The following SOX6 variants were observed in gnomAD, a reference collection of about 807,000 sequenced individuals.
SOX6 encodes the protein transcription factor SOX-6.
In SOX6, 11 loss-of-function variants were observed where a neutral mutation model predicts 97.8. That is an observed-to-expected ratio of 0.11 (90% CI 0.07 to 0.19). SOX6 has a LOEUF of 0.19. Among genes scored for constraint, SOX6 ranks in the 10% least tolerant of loss-of-function variants. The pLI is 1.00. For synonymous variants in SOX6, 360 were observed against 371.4 expected (o/e 0.97, Z 0.35); for missense variants, 810 against 1,039.5 (o/e 0.78, Z 3.04).
chr11:16,585,680 A>ATT (rs1491374591), intron 4 of SOX6, among the ~76,000 whole-genome samples: 4 of 91,034 alleles, frequency 4.4e-5, no homozygotes, highest in Admixed American at 1.1e-4. Context: ...TTTTTTTTTT[A>ATT]CTTTTTTTTT....
chr11:16,236,237 G>A (rs1330165172), intron 3 of SOX6, among the ~76,000 whole-genome samples: 1 of 151,906 alleles, frequency 6.6e-6, no homozygotes, highest in East Asian at 1.9e-4. Context: ...ATATGTTCGG[G>A]TTGCATTTAA....
rs148880664 is a variant in SOX6 at position 16,380,519 on chromosome 11, C to A, written c.-4-39267G>T. On this transcript the variant is annotated intron_variant, in intron 1 of 15. Coordinates refer to the SOX6 transcript ENST00000396356. Reference sequence around the variant, plus strand: ...CTTTTATCTAAATCCATTCTACCAACCAATTGTTTAACAAGTCCATAATTA... The same window carrying A: ...CTTTTATCTAAATCCATTCTACCAAACAATTGTTTAACAAGTCCATAATTA... 3.7e-3 allele frequency among the ~76,000 whole-genome samples: 562 copies of A among 152,014 alleles called. 4 individuals carry two copies. The highest frequency in any genetic ancestry group is 0.012 in the African/African-American group (488 of 41,486).
intron 3 of SOX6, among the ~76,000 whole-genome samples, chr11:16,272,983 T>A (rs977463912): frequency 1.3e-5 from 2 of 151,962 alleles, no homozygotes; most frequent in African/African-American, 4.8e-5. Flanking sequence ...GTCAAAATGT[T>A]ACCTGAAAAT....
chr11:16,269,312 C>T (rs1854175637), intron 3 of SOX6, among the ~76,000 whole-genome samples: 1 of 150,696 alleles, frequency 6.6e-6, no homozygotes, highest in Non-Finnish European at 1.5e-5. Context: ...TAATTACAGA[C>T]TTTATAGTTT....
intron 1 of SOX6, among the ~76,000 whole-genome samples, chr11:16,737,336 A>G (rs2134063699): frequency 6.6e-6 from 1 of 152,168 alleles, no homozygotes; most frequent in South Asian, 2.1e-4. Context: ...CCTCCCGAGT[A>G]GCTGGGATTA....
intron 3 of SOX6, among the ~76,000 whole-genome samples, chr11:16,256,903 C>T (rs1418425730): frequency 6.6e-6 from 1 of 151,636 alleles, no homozygotes; most frequent in Non-Finnish European, 1.5e-5. Context: ...CAACCACTTT[C>T]CTATTTATTA....
intron 12 of SOX6, among the ~76,000 whole-genome samples, chr11:16,037,865 C>T (rs1470530526): frequency 1.3e-5 from 2 of 152,182 alleles, no homozygotes; most frequent in African/African-American, 2.4e-5. Context: ...AAGGATAAAA[C>T]TTAAGCTAGC....
chr11:16,293,296 G>A (rs564948140), intron 3 of SOX6, among the ~76,000 whole-genome samples: 2 of 152,166 alleles, frequency 1.3e-5, no homozygotes, highest in East Asian at 1.9e-4. Context: ...GAGAGACACC[G>A]GAATTTAACT....
At chr11:16,285,973 G>T (rs186874457) in intron 3 of SOX6, among the ~76,000 whole-genome samples, 564 of 152,164 alleles carry the variant, frequency 3.7e-3, no homozygotes, top group South Asian at 0.016. Flanking sequence ...AAAATAAAAT[G>T]AATACGTTTC....
At chr11:16,671,137 T>C (rs1335754805) in intron 3 of SOX6, among the ~76,000 whole-genome samples, 2 of 152,160 alleles carry the variant, frequency 1.3e-5, no homozygotes, top group Non-Finnish European at 2.9e-5. Context: ...AGAAAAGAAG[T>C]GTATTGACTA....
intron 6 of SOX6, among the ~76,000 whole-genome samples, chr11:16,154,664 A>G (rs1850551237): frequency 6.6e-6 from 1 of 152,190 alleles, no homozygotes; most frequent in Non-Finnish European, 1.5e-5. Flanking sequence ...CTTACAAAAA[A>G]AAATGCAACT....
intron 4 of SOX6, among the ~76,000 whole-genome samples, chr11:16,522,918 CAAG>C (rs1183776891): frequency 6.6e-6 from 1 of 152,294 alleles, no homozygotes; most frequent in African/African-American, 2.4e-5. Context: ...ATCAATTCAA[CAAG>C]AAGAGCTAAC....
chr11:16,034,391 T>A (rs1184964213), intron 12 of SOX6, among the ~76,000 whole-genome samples: 1 of 152,168 alleles, frequency 6.6e-6, no homozygotes, highest in Non-Finnish European at 1.5e-5. Flanking sequence ...AGCATTTCCA[T>A]CCATAGTGGG....
chr11:16,134,020 G>C (rs1389730991), intron 6 of SOX6, among the ~76,000 whole-genome samples: 1 of 152,156 alleles, frequency 6.6e-6, no homozygotes, highest in Non-Finnish European at 1.5e-5. Context: ...TAATTACATT[G>C]GTGATGATAA....
intron 4 of SOX6, among the ~76,000 whole-genome samples, chr11:16,188,209 T>C (rs1453855048): frequency 3.5e-5 from 5 of 144,176 alleles, no homozygotes; most frequent in African/African-American, 1.1e-4. Context: ...ATCGTGGGAT[T>C]CTTAATGTCA....
intron 4 of SOX6, among the ~76,000 whole-genome samples, chr11:16,561,883 C>A (rs1298900329): frequency 7.2e-6 from 1 of 139,490 alleles, no homozygotes; most frequent in East Asian, 2.7e-4. Context: ...TACACATCAC[C>A]ACACCTGGCT....
At chr11:16,079,830 A>C (rs1848434387) in intron 9 of SOX6, among the ~76,000 whole-genome samples, 1 of 152,274 alleles carries the variant, frequency 6.6e-6, no homozygotes, top group East Asian at 1.9e-4. Context: ...GCACGTAAAT[A>C]TGCCATCTGT....
At chr11:16,569,867 T>TAAAAAAAAAA (rs1847918235) in intron 4 of SOX6, among the ~76,000 whole-genome samples, 1 of 43,186 alleles carries the variant, frequency 2.3e-5, no homozygotes, top group Non-Finnish European at 4.0e-5. Context: ...AGACTCCGTC[T>TAAAAAAAAAA]CAAAAAAAAA....
intron 12 of SOX6, among the ~76,000 whole-genome samples, chr11:16,020,086 C>T (rs916125443): frequency 5.9e-5 from 9 of 152,120 alleles, no homozygotes; most frequent in African/African-American, 2.2e-4. Context: ...GTAAAGACTC[C>T]CCTGCAAAAG....
Sources: gnomAD v4.1 joint callset for allele counts (sites outside exome capture counted in the v4.1 genomes callset) on GRCh38, gnomAD v4.1.1 for gene constraint, MANE v1.5 for transcripts, NCBI Gene and HGNC (gene_info 2026-07-23, HGNC 2026-07-21) for gene names.